The following NRXN3 variants were observed in gnomAD, a reference collection of about 807,000 sequenced individuals.
NRXN3 encodes the protein neurexin III.
NRXN3 carries 32 observed loss-of-function variants against 137.6 expected under a neutral mutation model. That is an observed-to-expected ratio of 0.23 (90% CI 0.18 to 0.31). NRXN3 has a LOEUF of 0.31. Among genes scored for constraint, NRXN3 ranks in the 10% least tolerant of loss-of-function variants. The pLI, the probability that NRXN3 is intolerant of heterozygous loss-of-function variation, is 1.00. For missense variants in NRXN3, 1,574 were observed against 2,062.5 expected (o/e 0.76, Z 4.59); for synonymous variants, 798 against 784.5 (o/e 1.02, Z -0.29).
intron 15 of NRXN3, among the ~76,000 whole-genome samples, chr14:79,068,909 AC>A (rs1268090768): frequency 6.6e-6 from 1 of 152,094 alleles, no homozygotes; most frequent in Non-Finnish European, 1.5e-5. Flanking sequence ...AGGGGAGAAG[AC>A]AAAGCAGAAA....
At chr14:78,327,627 A>G (rs2080264888) in intron 4 of NRXN3, among the ~76,000 whole-genome samples, 1 of 152,186 alleles carries the variant, frequency 6.6e-6, no homozygotes, top group Non-Finnish European at 1.5e-5. Flanking sequence ...CTCATTCAGC[A>G]AATATTTATG....
intron 10 of NRXN3, among the ~76,000 whole-genome samples, chr14:78,887,813 T>C (rs1028297192): frequency 1.3e-5 from 2 of 152,012 alleles, no homozygotes; most frequent in Admixed American, 6.6e-5. Flanking sequence ...GGAAGTGGCA[T>C]GGGTGACGAT....
intron 16 of NRXN3, among the ~76,000 whole-genome samples, chr14:79,469,969 A>T (rs1408789831): frequency 1.3e-5 from 2 of 152,214 alleles, no homozygotes; most frequent in African/African-American, 4.8e-5. Context: ...ATTTAAGTAG[A>T]TACATCAGGG....
intron 1 of NRXN3, among the ~76,000 whole-genome samples, chr14:78,221,167 A>C (rs1254066829): frequency 1.3e-5 from 2 of 152,172 alleles, no homozygotes; most frequent in African/African-American, 4.8e-5. Context: ...TTGACTATGC[A>C]GCCTCTTCTA....
At chr14:79,102,161 A>G (rs2051447173) in intron 15 of NRXN3, among the ~76,000 whole-genome samples, 1 of 152,136 alleles carries the variant, frequency 6.6e-6, no homozygotes, top group African/African-American at 2.4e-5. Flanking sequence ...CCAGTTTGTT[A>G]TGGCAAACCC....
intron 15 of NRXN3, among the ~76,000 whole-genome samples, chr14:78,996,570 G>T (rs377139440): frequency 2.0e-5 from 3 of 152,076 alleles, no homozygotes; most frequent in African/African-American, 7.2e-5. Context: ...TATTCTTTTG[G>T]GGGGGATGCT....
chr14:79,454,491 C>T (rs1238174629), intron 15 of NRXN3, among the ~76,000 whole-genome samples: 2 of 152,184 alleles, frequency 1.3e-5, no homozygotes, highest in African/African-American at 4.8e-5. Flanking sequence ...GCTGGGAATA[C>T]AGGCATGAGT....
In NRXN3 at chr14:79,864,284, C is replaced by T. The variant is rs1291114659; in HGVS notation, c.*2320C>T. ...TCTCTATGTGAGCTTCTATCATATT[C>T]CTGTTTTATTAGCAGAACCTAAAGG... is the stretch of plus-strand genomic sequence containing the variant. On this transcript the variant is annotated 3_prime_UTR_variant, in exon 21 of 21. Transcript: ENST00000335750. 6.6e-6 allele frequency: 1 copy of T among 152,532 alleles called. No homozygotes were observed. Among genetic ancestry groups the T allele is most frequent in the East Asian group, 1.9e-4 (1 of 5,192 alleles). 9.4% of individuals were successfully genotyped at this position (152,532 alleles called of 1,614,324 possible).
At chr14:79,718,432 T>C (rs1251168088) in intron 19 of NRXN3, among the ~76,000 whole-genome samples, 1 of 152,220 alleles carries the variant, frequency 6.6e-6, no homozygotes, top group Non-Finnish European at 1.5e-5. Context: ...AATGGCAAAC[T>C]ATTAGAACGT....
chr14:79,012,274 G>A (rs1392696744), intron 15 of NRXN3, among the ~76,000 whole-genome samples: 2 of 152,164 alleles, frequency 1.3e-5, no homozygotes, highest in African/African-American at 4.8e-5. Context: ...GATTACTGAA[G>A]TGAGTGGGGT....
intron 19 of NRXN3, among the ~76,000 whole-genome samples, chr14:79,763,367 C>T (rs1277773618): frequency 1.4e-5 from 1 of 71,920 alleles, no homozygotes; most frequent in Non-Finnish European, 3.4e-5. Context: ...ATGATTTATA[C>T]ATACGTGTGC....
intron 19 of NRXN3, among the ~76,000 whole-genome samples, chr14:79,713,616 T>TAC (rs2098813564): frequency 2.9e-5 from 4 of 139,752 alleles, no homozygotes; most frequent in Non-Finnish European, 3.1e-5. Flanking sequence ...CATATACATA[T>TAC]GTATGTATAT....
rs184792710 is a variant in NRXN3 at position 78,805,924 on chromosome 14, T to A, written c.2248+2101T>A. On this transcript the variant is annotated intron_variant, in intron 9 of 20. Transcript: ENST00000335750. ...AGTGTACAGATTCTCATTCTCTCTC[T>A]CACACACACACACATACACCTTGAG... 9.4e-4 allele frequency among the ~76,000 whole-genome samples: 142 copies of A among 151,578 alleles called. 1 individual carries two copies. The Middle Eastern group carries it at 0.01, about 11-fold the overall frequency.
intron 10 of NRXN3, among the ~76,000 whole-genome samples, chr14:78,853,212 C>T (rs1040680504): frequency 6.6e-6 from 1 of 152,160 alleles, no homozygotes; most frequent in Non-Finnish European, 1.5e-5. Context: ...TGCTATCCCT[C>T]ACCTCTTCCC....
chr14:78,186,219 A>T (rs1047446655), intron 1 of NRXN3, among the ~76,000 whole-genome samples: 1 of 152,254 alleles, frequency 6.6e-6, no homozygotes, highest in Non-Finnish European at 1.5e-5. Flanking sequence ...GGACCCAGCC[A>T]GTCTTCGTTG....
At chr14:78,710,691 A>G (rs1419180816) in intron 7 of NRXN3, among the ~76,000 whole-genome samples, 2 of 152,156 alleles carry the variant, frequency 1.3e-5, no homozygotes, top group Non-Finnish European at 2.9e-5. Context: ...AGTTCCCCAA[A>G]AGGCTGAAAC....
chr14:79,520,808 A>G (rs994675032), intron 16 of NRXN3, among the ~76,000 whole-genome samples: 1 of 152,182 alleles, frequency 6.6e-6, no homozygotes, highest in East Asian at 1.9e-4. Context: ...GAATGCTTTT[A>G]CACTTTGGTG....
intron 19 of NRXN3, among the ~76,000 whole-genome samples, chr14:79,742,330 A>G (rs987772998): frequency 2.0e-5 from 3 of 152,306 alleles, no homozygotes; most frequent in African/African-American, 7.2e-5. Flanking sequence ...TGATTGCCCT[A>G]TGATTACCTC....
intron 19 of NRXN3, among the ~76,000 whole-genome samples, chr14:79,800,389 C>T (rs2099174350): frequency 6.6e-6 from 1 of 152,186 alleles, no homozygotes; most frequent in Non-Finnish European, 1.5e-5. Context: ...CAGCACAAAG[C>T]CTAAATGTAG....
Sources: allele counts gnomAD v4.1 joint callset (sites outside exome capture counted in the v4.1 genomes callset), GRCh38; gene constraint gnomAD v4.1.1; transcripts MANE v1.5; gene names NCBI Gene and HGNC (gene_info 2026-07-23, HGNC 2026-07-21).